GREP1: variants seen among roughly 807,000 people sequenced by gnomAD.
GREP1 encodes the protein glycine-rich extracellular protein 1.
rs994371610 is a variant in GREP1, at chr16:2,991,155, G to A, written c.322+54G>A. On this transcript the variant is annotated intron_variant, in intron 8 of 34. Coordinates refer to ENST00000573315, the Ensembl canonical transcript of GREP1. The surrounding 1 kb of genome is among the most constrained non-coding windows in gnomAD (Gnocchi z 4.9). ...TGGGCTTCCAGGAGGGAGGGGGAAG[G>A]GGCAGAGCAGAGTCAGGGCACCAGG... The A allele has an allele frequency of 2.5e-6, 1 of 399,270 alleles. No individual in the cohort carries two copies. Among genetic ancestry groups the A allele is most frequent in the Non-Finnish European group, 4.4e-6 (1 of 226,304 alleles). 24.7% of individuals were successfully genotyped at this position (399,270 alleles called of 1,614,324 possible).
exon 24 of GREP1, chr16:2,998,369 C>G: frequency 7.5e-6 from 3 of 399,338 alleles, no homozygotes; most frequent in Non-Finnish European, 1.3e-5. Flanking sequence ...TGCGAGGGAC[C>G]TTGAAGCCTC....
At chr16:2,994,958 G>T in exon 13 of GREP1, 1 of 399,210 alleles carries the variant, frequency 2.5e-6, no homozygotes, top group Non-Finnish European at 4.4e-6. Flanking sequence ...TGGGAGCCCA[G>T]CCAGGTGAAG....
At chr16:2,996,556 C>T (rs141167176) in intron 19 of GREP1, 25 bp downstream of exon 18, 11 of 399,266 alleles carry the variant, frequency 2.8e-5, no homozygotes, top group South Asian at 1.3e-4. Flanking sequence ...GCCTGGCTCG[C>T]GAGGGGTCGG....
In GREP1 at chr16:3,001,556, C is replaced by T. The variant is rs1442957155; in HGVS notation, c.1586-5C>T. On this transcript the variant is annotated splice_region_variant and splice_polypyrimidine_tract_variant and intron_variant, in intron 34 of 34. Coordinates refer to ENST00000573315, the Ensembl canonical transcript of GREP1. Reference sequence around the variant, plus strand: ...CCTCCCTAGCCCAGCTCTATGTCTTCCCAGGCCGCTGCCCTCTGGGGAAAT... The same window carrying T: ...CCTCCCTAGCCCAGCTCTATGTCTTTCCAGGCCGCTGCCCTCTGGGGAAAT... 1 of 399,064 alleles carries T rather than the reference C, an allele frequency of 2.5e-6. No homozygotes were observed. The highest frequency in any genetic ancestry group is 4.4e-6 in the Non-Finnish European group (1 of 226,168). 24.7% of individuals were successfully genotyped at this position (399,064 alleles called of 1,614,324 possible).
intron 5 of GREP1, 149 bp downstream of exon 5, chr16:2,990,271 C>A (rs1387072733): frequency 2.5e-6 from 1 of 397,986 alleles, no homozygotes; most frequent in Non-Finnish European, 4.4e-6. Flanking sequence ...GGGTCTTGTA[C>A]CCCCACCTCA....
At position 2,992,134 on chromosome 16, in the gene GREP1, GGGAGCTGGGGCCTTCCTA is replaced by G. The variant is rs2072402503; in HGVS notation, c.323-662_323-645del. The G allele has an allele frequency of 6.6e-6, 1 of 152,638 alleles. No individual in the cohort carries two copies. The highest frequency in any genetic ancestry group is 1.5e-5 in the Non-Finnish European group (1 of 68,358). 9.5% of individuals were successfully genotyped at this position (152,638 alleles called of 1,614,324 possible). A position where few individuals can be genotyped will look rare whatever the true frequency, so the allele number is the denominator to read the frequency against. ...CAAGATCTGGTGATGGGAATGGGATGGGAGCTGGGGCCTTCCTAGGAGCTGGAGCCCAGCCAGGTGAGG... is the reference window on the plus strand; with the variant it reads ...CAAGATCTGGTGATGGGAATGGGATGGGAGCTGGAGCCCAGCCAGGTGAGG... On this transcript the variant is annotated intron_variant, in intron 8 of 34. Transcript: ENST00000573315. This position sits in a 1 kb window ranked among gnomAD's most constrained non-coding sequence, Gnocchi z 4.9.
rs2072389262 is a variant in GREP1 at position 2,989,772 on chromosome 16, A to C, written c.131-202A>C. On this transcript the variant is annotated intron_variant, in intron 3 of 34. Coordinates refer to ENST00000573315, the Ensembl canonical transcript of GREP1. The surrounding 1 kb of genome is among the most constrained non-coding windows in gnomAD (Gnocchi z 4.2). ...AAGAAATGGAGCGGGGAGGGAAGAA[A>C]GGAAAGAGAGCAGAAAGGAAGGAGA... Among the ~76,000 whole-genome samples, 1 of 151,946 alleles carries C rather than the reference A, an allele frequency of 6.6e-6. No individual in the cohort carries two copies. Among genetic ancestry groups the C allele is most frequent in the African/African-American group, 2.4e-5 (1 of 41,370 alleles).
In GREP1 at chr16:2,992,577, G is replaced by A; in HGVS notation, c.323-228G>A. The A allele has an allele frequency of 2.7e-6, 1 of 374,484 alleles. No homozygotes were observed. Among genetic ancestry groups the A allele is most frequent in the Non-Finnish European group, 4.7e-6 (1 of 210,960 alleles). The allele number at this position is 374,484 out of a possible 1,614,324, so 23.2% of individuals were successfully genotyped here. A position where few individuals can be genotyped will look rare whatever the true frequency, so the allele number is the denominator to read the frequency against. ...AGCACCCGTCCCAAGCCAGGCCTCGGCTGGCCATGGAGGACACCCAAGCTG... is the reference window on the plus strand; with the variant it reads ...AGCACCCGTCCCAAGCCAGGCCTCGACTGGCCATGGAGGACACCCAAGCTG... On this transcript the variant is annotated intron_variant, in intron 8 of 34. Transcript: ENST00000573315. This position sits in a 1 kb window ranked among gnomAD's most constrained non-coding sequence, Gnocchi z 4.9.
At chr16:2,995,839 T>G (rs182772817) in intron 17 of GREP1, 68 bp downstream of exon 17, 1 of 398,346 alleles carries the variant, frequency 2.5e-6, no homozygotes, top group Non-Finnish European at 4.4e-6. Context: ...ACTCTACTCA[T>G]GCTCCCTCCC....
exon 35 of GREP1, chr16:3,001,839 G>A (rs146826616): frequency 5.1e-6 from 2 of 391,274 alleles, no homozygotes; most frequent in East Asian, 3.6e-5. Context: ...CCCAACAGGA[G>A]AAATCATGAG....
intron 5 of GREP1, chr16:2,990,329 C>G (rs1294974502): frequency 7.5e-6 from 3 of 398,282 alleles, no homozygotes; most frequent in Non-Finnish European, 1.3e-5. Flanking sequence ...TCCCACGAGC[C>G]CTTCCACTAA....
At chr16:2,998,770 A>G in intron 25 of GREP1, 78 bp from the exon 24 acceptor site, 1 of 398,880 alleles carries the variant, frequency 2.5e-6, no homozygotes, top group Non-Finnish European at 4.4e-6. Flanking sequence ...TGGCTTGGCC[A>G]GGCCAAGGCC....
In GREP1 at chr16:2,989,083, G is replaced by C. The variant is rs1428951336; in HGVS notation, c.101-440G>C. Reference sequence around the variant, plus strand: ...CATCTGAGCTTCAGGAGAGAAAGATGGGGGGCAGAGGTGGTGAGAAGAAGA... The same window carrying C: ...CATCTGAGCTTCAGGAGAGAAAGATCGGGGGCAGAGGTGGTGAGAAGAAGA... On this transcript the variant is annotated intron_variant, in intron 2 of 34. Transcript: ENST00000573315. The surrounding 1 kb of genome is among the most constrained non-coding windows in gnomAD (Gnocchi z 4.2). 4 of 236,622 alleles carry C rather than the reference G, an allele frequency of 1.7e-5. No homozygotes were observed. The highest frequency in any genetic ancestry group is 3.2e-5 in the Non-Finnish European group (4 of 123,508). The allele number at this position is 236,622 out of a possible 1,614,324, so 14.7% of individuals were successfully genotyped here.
At chr16:2,997,924 C>G (rs922641982) in intron 23 of GREP1, 89 bp downstream of exon 21, 5 of 398,256 alleles carry the variant, frequency 1.3e-5, no homozygotes, top group African/African-American at 4.1e-5. Flanking sequence ...CCCTGTCTCC[C>G]CATGGTGCAA....
intron 18 of GREP1, among the ~76,000 whole-genome samples, chr16:2,996,154 A>G (rs2072423330): frequency 6.6e-6 from 1 of 152,208 alleles, no homozygotes; most frequent in Admixed American, 6.5e-5. Context: ...GCTGGTCTCG[A>G]ACTCCTGACC....
chr16:3,000,767 G>A (rs1567399680), exon 33 of GREP1: 2 of 398,968 alleles, frequency 5.0e-6, no homozygotes, highest in African/African-American at 2.1e-5. Flanking sequence ...GGCCTGGGGG[G>A]CCGGCTTGAA....
At chr16:3,000,514 A>G (rs778548272) in intron 31 of GREP1, 200 bp from the exon 27 acceptor site, 9 of 399,088 alleles carry the variant, frequency 2.3e-5, no homozygotes, top group Non-Finnish European at 3.5e-5. Context: ...GGGAGACAAC[A>G]GCCCAGGGGC....
intron 2 of GREP1, among the ~76,000 whole-genome samples, 176 bp downstream of exon 2, chr16:2,988,798 C>G (rs1385239676): frequency 6.6e-6 from 1 of 152,192 alleles, no homozygotes; most frequent in African/African-American, 2.4e-5. Context: ...CACAGACACC[C>G]TGCACTCTCA....
chr16:2,990,638 A>C, intron 7 of GREP1, 51 bp downstream of exon 6: 1 of 398,674 alleles, frequency 2.5e-6, no homozygotes, highest in Non-Finnish European at 4.4e-6. Flanking sequence ...GGGGTGCCTA[A>C]TCTTTGCCTG....
Sources: gnomAD v4.1 joint callset for allele counts (sites outside exome capture counted in the v4.1 genomes callset) on GRCh38, gnomAD v4.1.1 for gene constraint, Gnocchi (gnomAD v3.1) non-coding constraint, MANE v1.5 for transcripts, NCBI Gene and HGNC (gene_info 2026-07-23, HGNC 2026-07-21) for gene names.